CPT1B: variants seen among roughly 807,000 people sequenced by gnomAD.
CPT1B encodes the protein carnitine O-palmitoyltransferase 1, muscle isoform.
In CPT1B, 57 loss-of-function variants were observed where a neutral mutation model predicts 92.7. The observed-to-expected ratio is 0.62, with a 90% CI of 0.50 to 0.77. CPT1B has a LOEUF of 0.77. Ranked by LOEUF, CPT1B falls within the 30% of genes least tolerant of loss-of-function variation. The probability of loss-of-function intolerance (pLI) is 0.00; values close to 1 mark genes in which losing one functional copy is unlikely to be tolerated. For missense variants in CPT1B, 983 were observed against 1,017.4 expected, an observed-to-expected ratio of 0.97 and a Z score of 0.46; for synonymous variants, 398 against 383.5, an observed-to-expected ratio of 1.04 and a Z score of -0.44.
chr22:50,570,444 C>T, intron 16 of CPT1B, 38 bp from the exon 17 acceptor site: 1 of 1,480,880 alleles, frequency 6.8e-7, no homozygotes, highest in Non-Finnish European at 9.2e-7. Flanking sequence ...GGCCACATAC[C>T]CAAAGCACCT....
At chr22:50,574,769 A>G (rs944494891) in intron 7 of CPT1B, 169 bp from the exon 8 acceptor site, 2 of 608,034 alleles carry the variant, frequency 3.3e-6, no homozygotes, top group South Asian at 3.8e-5. Context: ...AACTGATCGC[A>G]GTAACCCTCT....
At chr22:50,571,741 G>T in intron 13 of CPT1B, 2 of 657,682 alleles carry the variant, frequency 3.0e-6, no homozygotes, top group Non-Finnish European at 5.2e-6. Context: ...AGAGGGAAGT[G>T]CTGAAAATGC....
chr22:50,570,449 G>C (rs547616597), intron 16 of CPT1B, 43 bp from the exon 17 acceptor site: 2 of 1,465,534 alleles, frequency 1.4e-6, no homozygotes, highest in East Asian at 4.6e-5. Flanking sequence ...CATACCCAAA[G>C]CACCTGTCCA....
rs2070281470 is a variant in CPT1B at position 50,573,460 on chromosome 22, T to G, written c.1166+60A>C. 1 of 1,464,430 alleles carries G rather than the reference T, an allele frequency of 6.8e-7. No homozygotes were observed. The highest frequency in any genetic ancestry group is 1.4e-5 in the African/African-American group (1 of 71,122). The allele number at this position is 1,464,430 out of a possible 1,614,324, so 90.7% of individuals were successfully genotyped here. A position where few individuals can be genotyped will look rare whatever the true frequency, so the allele number is the denominator to read the frequency against. On this transcript the variant is annotated intron_variant, in intron 10 of 19. Transcript: ENST00000312108. This position sits in a 1 kb window ranked among gnomAD's most constrained non-coding sequence, Gnocchi z 5.0. ...TCCAGGGTGGCAGGCAGGGCCACGC[T>G]CCTCTCCTCACGGAGCCCTGAACTC...
chr22:50,576,754 G>A lies in CPT1B; in HGVS notation c.459+103C>T. ...CCCCTCCAGGACAAACCACACACCAGGCACCAGTGCCCTGTCTGCCTCTCC... is the reference window on the plus strand; with the variant it reads ...CCCCTCCAGGACAAACCACACACCAAGCACCAGTGCCCTGTCTGCCTCTCC... On this transcript the variant is annotated intron_variant, in intron 4 of 19. Coordinates refer to ENST00000312108, the MANE Select transcript of CPT1B (RefSeq NM_152246.3). The A allele has an allele frequency of 6.4e-6, 10 of 1,552,848 alleles. No homozygotes were observed. In the South Asian group the frequency reaches 1.1e-4, roughly 18 times the overall value.
intron 13 of CPT1B, 40 bp downstream of exon 13, chr22:50,571,966 C>CT (rs1286194641): frequency 1.9e-6 from 3 of 1,579,576 alleles, no homozygotes; most frequent in African/African-American, 2.7e-5. Context: ...CCACCTGCTG[C>CT]TTTGTGGTCT....
At position 50,574,305 on chromosome 22, in the gene CPT1B, C is replaced by G. The variant is rs771088531; in HGVS notation, c.970+30G>C. ...GAGGGCAGCGAGCCAGCCAGATGGC[C>G]CACAGGTAGCAGCGAGGGGGCTCAG... On this transcript the variant is annotated intron_variant, in intron 9 of 19. Coordinates refer to ENST00000312108, the MANE Select transcript of CPT1B (RefSeq NM_152246.3). 9 of 1,582,308 alleles carry G rather than the reference C, an allele frequency of 5.7e-6. No homozygotes were observed. The South Asian group carries it at 1.0e-4, about 18-fold the overall frequency.
rs764447498 is a variant in CPT1B at position 50,574,529 on chromosome 22, C to A, written c.849G>T (p.Met283Ile). Residue 283 changes from methionine to isoleucine, a missense_variant, in exon 8 of 20, where the codon ATG becomes ATT. Met to Ile is a conservative substitution (Grantham distance 10, BLOSUM62 1). Transcript: ENST00000312108. ...CTTCACGGTCCAGTTTACGGCGATA[C>A]ATGATCATGGCGTGGATGATGTTTC... ...RLGNIIHAMIMYRRKLDREEI... is the reference protein window; with the variant it reads ...RLGNIIHAMIIYRRKLDREEI... The A allele has an allele frequency of 3.1e-5, 50 of 1,614,054 alleles. No homozygotes were observed. In the South Asian group the frequency reaches 5.5e-4, roughly 18 times the overall value.
At position 50,573,895 on chromosome 22, in the gene CPT1B, A is replaced by G. The variant is rs2070308491; in HGVS notation, c.971-180T>C. The stretch of plus-strand genomic sequence containing the variant: ...ACCAGGCCCTGTGCTGGGTGCTTCC[A>G]CTCTCTCTCACGCAACACCAACAAT... On this transcript the variant is annotated intron_variant, in intron 9 of 19. Transcript: ENST00000312108. This position sits in a 1 kb window ranked among gnomAD's most constrained non-coding sequence, Gnocchi z 5.0. 1.4e-6 allele frequency: 1 copy of G among 717,968 alleles called. No individual in the cohort carries two copies. The highest frequency in any genetic ancestry group is 2.7e-5 in the East Asian group (1 of 37,150). The allele number at this position is 717,968 out of a possible 1,614,324, so 44.5% of individuals were successfully genotyped here.
intron 3 of CPT1B, 71 bp from the exon 4 acceptor site, chr22:50,577,105 G>A (rs1173912651): frequency 7.1e-6 from 11 of 1,545,198 alleles, no homozygotes; most frequent in Non-Finnish European, 9.8e-6. Flanking sequence ...AACTGTCTCA[G>A]GGGAGACACC....
At position 50,573,113 on chromosome 22, in the gene CPT1B, C is replaced by T. The variant is rs17001616; in HGVS notation, c.1167-53G>A. 168 of 1,484,938 alleles carry T rather than the reference C, an allele frequency of 1.1e-4. No homozygotes were observed. In the East Asian group the frequency reaches 2.1e-3, roughly 18 times the overall value. 92.0% of individuals were successfully genotyped at this position (1,484,938 alleles called of 1,614,324 possible). A position where few individuals can be genotyped will look rare whatever the true frequency, so the allele number is the denominator to read the frequency against. Reference sequence around the variant, plus strand: ...GGCACGTGGACTTGGGATGAGGGTGCCTCTGAGGGCCTGGCTGGACCTGGA... The same window carrying T: ...GGCACGTGGACTTGGGATGAGGGTGTCTCTGAGGGCCTGGCTGGACCTGGA... On this transcript the variant is annotated intron_variant, in intron 10 of 19. Transcript: ENST00000312108. The surrounding 1 kb of genome is among the most constrained non-coding windows in gnomAD (Gnocchi z 5.0).
chr22:50,576,009 G>A lies in CPT1B; in HGVS notation c.777+26C>T, dbSNP rs372210864. 9 of 1,609,146 alleles carry A rather than the reference G, an allele frequency of 5.6e-6. No homozygotes were observed. In the East Asian group the frequency reaches 6.7e-5, roughly 12 times the overall value. ...AGCTGGGACAGAGCTGAGCACGTGC[G>A]GGGACCTGGGGGCTCTAGTTCATAC... On this transcript the variant is annotated intron_variant, in intron 7 of 19. Coordinates refer to ENST00000312108, the MANE Select transcript of CPT1B (RefSeq NM_152246.3).
rs1352784639 is a variant in CPT1B, at chr22:50,572,186, C to T, written c.1458+17G>A. 1.2e-6 allele frequency: 2 copies of T among 1,609,898 alleles called. No homozygotes were observed. The highest frequency in any genetic ancestry group is 2.2e-5 in the East Asian group (1 of 44,860). Reference sequence around the variant, plus strand: ...CCCTACAGCCTGCCCTGCAGGTTCCCTCTGCAAGGCTATTACCTCCCAGAG... The same window carrying T: ...CCCTACAGCCTGCCCTGCAGGTTCCTTCTGCAAGGCTATTACCTCCCAGAG... On this transcript the variant is annotated intron_variant, in intron 12 of 19. Transcript: ENST00000312108.
In CPT1B at chr22:50,573,079, T is replaced by A; in HGVS notation, c.1167-19A>T. The A allele has an allele frequency of 6.3e-7, 1 of 1,583,548 alleles. No individual in the cohort carries two copies. ...CTCCACCCTGAAGCATGGGGCAGGG[T>A]AAGCAGTGGGCACGTGGACTTGGGA... On this transcript the variant is annotated intron_variant, in intron 10 of 19. Transcript: ENST00000312108. This position sits in a 1 kb window ranked among gnomAD's most constrained non-coding sequence, Gnocchi z 5.0.
chr22:50,577,570 C>T, intron 2 of CPT1B, 107 bp from the exon 3 acceptor site: 7 of 1,484,906 alleles, frequency 4.7e-6, no homozygotes, highest in Non-Finnish European at 3.6e-6. Context: ...GCTTTCTCTC[C>T]TGATGCCCTG....
At chr22:50,575,304 C>T (rs1198599326) in intron 7 of CPT1B, among the ~76,000 whole-genome samples, 2 of 152,322 alleles carry the variant, frequency 1.3e-5, no homozygotes, top group South Asian at 2.1e-4. Flanking sequence ...CCACTGCACC[C>T]GGCCCGAGCT....
Position 50,577,355 on chromosome 22 carries a change from C to T in CPT1B, c.250G>A (p.Val84Ile), listed in dbSNP as rs1186598855. 3 of 1,613,950 alleles carry T rather than the reference C, an allele frequency of 1.9e-6. No individual in the cohort carries two copies. The highest frequency in any genetic ancestry group is 1.1e-5 in the South Asian group (1 of 91,086). The change falls in exon 3 of 20, where the codon GTC becomes ATC. Residue 84 changes from valine (V) to isoleucine (I), a missense_variant. By Grantham distance (29) the Val-to-Ile change is conservative. Coordinates refer to ENST00000312108, the MANE Select transcript of CPT1B (RefSeq NM_152246.3). ...GGGAGGCATCTCTGGATGCAACTGA[C>T]CAGCCCCAAGGAGATGTCCACGTTG... Reference protein sequence around the residue: ...FCNVDISLGLVSCIQRCLPQG... With the variant: ...FCNVDISLGLISCIQRCLPQG...
chr22:50,576,441 C>G, intron 5 of CPT1B, 95 bp downstream of exon 5: 1 of 1,602,694 alleles, frequency 6.2e-7, no homozygotes, highest in Middle Eastern at 1.7e-4. Context: ...ATTCTCAAGC[C>G]CTTAAGGCCA....
At chr22:50,574,444 A>G in intron 8 of CPT1B, 25 bp from the exon 9 acceptor site, 1 of 1,613,896 alleles carries the variant, frequency 6.2e-7, no homozygotes, top group Non-Finnish European at 8.5e-7. Context: ...AGCATGGCTC[A>G]GACTCAGGTC....
Sources: allele counts gnomAD v4.1 joint callset (sites outside exome capture counted in the v4.1 genomes callset), GRCh38; gene constraint gnomAD v4.1.1; non-coding constraint Gnocchi (gnomAD v3.1); transcripts MANE v1.5; gene names NCBI Gene and HGNC (gene_info 2026-07-23, HGNC 2026-07-21).